TMCO6: variants seen among roughly 807,000 people sequenced by gnomAD.
The protein encoded by TMCO6 is transmembrane and coiled-coil domain-containing protein 6.
In TMCO6, 47 loss-of-function variants were observed where a neutral mutation model predicts 61.8. That is an observed-to-expected ratio of 0.76 (90% CI 0.60 to 0.97). The LOEUF is 0.97. Among genes scored for constraint, TMCO6 ranks in the 50% least tolerant of loss-of-function variants. The pLI is 0.00. For missense variants in TMCO6, 557 were observed against 601.6 expected, an observed-to-expected ratio of 0.93 and a Z score of 0.78; for synonymous variants, 261 against 254.2, an observed-to-expected ratio of 1.03 and a Z score of -0.25.
chr5:140,646,489 G>C (rs6873370), downstream of TMCO6, among the ~76,000 whole-genome samples: 5,401 of 152,144 alleles, frequency 0.035, 244 homozygotes, highest in African/African-American at 0.11. Context: ...TATCTACTCT[G>C]AGAACCAATC....
upstream of TMCO6, among the ~76,000 whole-genome samples, chr5:140,634,798 T>G (rs540083106): frequency 6.7e-6 from 1 of 148,916 alleles, no homozygotes; most frequent in South Asian, 2.1e-4. Flanking sequence ...TTTACTTTTA[T>G]TTATTTATTT....
At position 140,645,351 on chromosome 5, in the gene TMCO6, T is replaced by C. The variant is rs914555928; in HGVS notation, c.*253T>C. On this transcript the variant is annotated 3_prime_UTR_variant, in exon 12 of 12. Coordinates refer to ENST00000394671, the MANE Select transcript of TMCO6 (RefSeq NM_018502.5). ...CCCCCCCGCCACCCTTCATGTTTGC[T>C]TCAGCAGCTGGTAGCTTTTGATGAG... 5 of 755,244 alleles carry C rather than the reference T, an allele frequency of 6.6e-6. No individual in the cohort carries two copies. Among genetic ancestry groups the C allele is most frequent in the African/African-American group, 1.7e-5 (1 of 57,904 alleles). The allele number at this position is 755,244 out of a possible 1,614,324, so 46.8% of individuals were successfully genotyped here.
At chr5:140,646,749 A>T (rs566351079), downstream of TMCO6, among the ~76,000 whole-genome samples, 188 of 152,312 alleles carry the variant, frequency 1.2e-3, no homozygotes, top group African/African-American at 4.5e-3. Flanking sequence ...GCTGCATCTA[A>T]AGTTGCAGCT....
the TMCO6 span, among the ~76,000 whole-genome samples, chr5:140,620,632 G>A: frequency 6.6e-6 from 1 of 152,124 alleles, no homozygotes; most frequent in Admixed American, 6.6e-5. Context: ...TCAGACCCAG[G>A]GGTATATGGA....
chr5:140,621,278 C>T, the TMCO6 span, among the ~76,000 whole-genome samples: 2 of 152,294 alleles, frequency 1.3e-5, no homozygotes, highest in Admixed American at 6.5e-5. Flanking sequence ...AATGGAGGGA[C>T]GGGCTGAAGC....
chr5:140,631,541 C>T, the TMCO6 span, among the ~76,000 whole-genome samples: 1 of 152,110 alleles, frequency 6.6e-6, no homozygotes, highest in South Asian at 2.1e-4. Context: ...ATTGTTTCTC[C>T]CATGCAGCCC....
rs1757200696 is a variant in TMCO6 at position 140,643,780 on chromosome 5, C to G, written c.919C>G (p.Leu307Val). 2.5e-6 allele frequency: 4 copies of G among 1,613,066 alleles called. No individual in the cohort carries two copies. The highest frequency in any genetic ancestry group is 1.3e-5 in the African/African-American group (1 of 75,022). ...QKTEDAGLEL[L>V]ACPVLRCLSN... is the part of the protein sequence containing the mutation. ...CTGACCCCCCAATTTGTCTTTGCAGCTGGCATGCCCCGTGCTTCGATGTCT... is the reference window on the plus strand; with the variant it reads ...CTGACCCCCCAATTTGTCTTTGCAGGTGGCATGCCCCGTGCTTCGATGTCT... Residue 307 changes from leucine to valine, a missense_variant and splice_region_variant, in exon 9 of 12, where the codon CTG (leucine) becomes GTG (valine). Coordinates refer to ENST00000394671, the MANE Select transcript of TMCO6 (RefSeq NM_018502.5).
At position 140,642,583 on chromosome 5, in the gene TMCO6, C is replaced by A; in HGVS notation, c.604-3C>A. On this transcript the variant is annotated splice_polypyrimidine_tract_variant and splice_region_variant and intron_variant, in intron 5 of 11. Transcript: ENST00000394671. ...GTCAGATCCTTACCCTGTCTACTTC[C>A]AGTCCCCCCATGTGGCTGTGCTGGA... 6.2e-7 allele frequency: 1 copy of A among 1,614,248 alleles called. No individual in the cohort carries two copies. Among genetic ancestry groups the A allele is most frequent in the Non-Finnish European group, 8.5e-7 (1 of 1,180,032 alleles).
intron 4 of TMCO6, 83 bp from the exon 5 acceptor site, chr5:140,642,232 C>T: frequency 7.1e-7 from 1 of 1,415,526 alleles, no homozygotes; most frequent in Non-Finnish European, 9.7e-7. Context: ...CTCCAGCGTC[C>T]CCATCACCTC....
chr5:140,634,075 A>C, the TMCO6 span, among the ~76,000 whole-genome samples: 1 of 152,318 alleles, frequency 6.6e-6, no homozygotes, highest in Admixed American at 6.5e-5. Context: ...GGCGTGAGCC[A>C]CTGTGCCTGG....
In TMCO6 at chr5:140,641,667, G is replaced by A. The variant is rs1161448610; in HGVS notation, c.201G>A (p.Val67=). Residue 67 remains valine, a splice_region_variant and synonymous_variant, in exon 3 of 12, where the codon GTG becomes GTA. Transcript: ENST00000394671. ...CVAAILGETE[V]QQFLRQAQRG... ...CCTTTCCCTGCCCTGAACTCCAGGT[G>A]CAGCAGTTCCTGCGGCAAGCCCAGC... The A allele has an allele frequency of 6.2e-7, 1 of 1,613,310 alleles. No homozygotes were observed. Among genetic ancestry groups the A allele is most frequent in the Non-Finnish European group, 8.5e-7 (1 of 1,179,696 alleles).
the TMCO6 span, among the ~76,000 whole-genome samples, chr5:140,609,759 T>G: frequency 3.3e-5 from 5 of 152,356 alleles, no homozygotes; most frequent in South Asian, 6.2e-4. Context: ...AGATCTTCTT[T>G]AATTCCTTTC....
the TMCO6 span, among the ~76,000 whole-genome samples, chr5:140,605,193 T>G: frequency 6.6e-6 from 1 of 152,346 alleles, no homozygotes; most frequent in Admixed American, 6.5e-5. Context: ...TCTTGTAGTC[T>G]GAAACTGCTT....
At chr5:140,628,815 A>G in the TMCO6 span, among the ~76,000 whole-genome samples, 1 of 152,202 alleles carries the variant, frequency 6.6e-6, no homozygotes, top group African/African-American at 2.4e-5. Flanking sequence ...ATTAAGTAAA[A>G]TAAGGGTTAC....
intron 9 of TMCO6, 30 bp downstream of exon 9, chr5:140,643,996 C>T: frequency 6.2e-7 from 1 of 1,613,618 alleles, no homozygotes; most frequent in Non-Finnish European, 8.5e-7. Flanking sequence ...CAGGCCTGGA[C>T]ATTTGGATAA....
downstream of TMCO6, chr5:140,647,314 G>A (rs753293407): frequency 1.4e-5 from 23 of 1,594,418 alleles, no homozygotes; most frequent in Admixed American, 2.0e-4. Flanking sequence ...GGATGGGTAG[G>A]TCGGGATTCG....
At chr5:140,644,942 G>A (rs747079550) in intron 11 of TMCO6, 43 bp from the exon 12 acceptor site, 3 of 1,594,880 alleles carry the variant, frequency 1.9e-6, no homozygotes, top group Non-Finnish European at 2.6e-6. Flanking sequence ...TGAGTCTTAG[G>A]ACACAGAGAC....
chr5:140,607,852 C>G, the TMCO6 span, among the ~76,000 whole-genome samples: 1 of 150,296 alleles, frequency 6.7e-6, no homozygotes, highest in African/African-American at 2.5e-5. Flanking sequence ...TGCAATGGCG[C>G]AATCTCGGTT....
the TMCO6 span, among the ~76,000 whole-genome samples, chr5:140,597,070 A>T: frequency 6.6e-6 from 1 of 152,186 alleles, no homozygotes; most frequent in Admixed American, 6.5e-5. Flanking sequence ...AAGACCAGAC[A>T]TATTCTTTAT....
Sources: gnomAD v4.1 joint callset for allele counts (sites outside exome capture counted in the v4.1 genomes callset) on GRCh38, gnomAD v4.1.1 for gene constraint, MANE v1.5 for transcripts, NCBI Gene and HGNC (gene_info 2026-07-23, HGNC 2026-07-21) for gene names.